The following MMACHC variants were observed in gnomAD, a reference collection of about 807,000 sequenced individuals.
MMACHC encodes cyanocobalamin reductase / alkylcobalamin dealkylase.
A neutral mutation model predicts 17.6 loss-of-function variants in MMACHC; 14 were observed. The ratio of observed to expected loss-of-function variants is 0.80; its 90% CI spans 0.53 to 1.25. The LOEUF is 1.25. Ranked by LOEUF, MMACHC falls within the 50% of genes most tolerant of loss-of-function variation. The pLI is 0.00. For synonymous variants in MMACHC, 151 were observed against 142.1 expected, an observed-to-expected ratio of 1.06 and a Z score of -0.45; for missense variants, 392 against 364.5, an observed-to-expected ratio of 1.08 and a Z score of -0.62.
rs147660940 is a variant in MMACHC, at chr1:45,508,015, T to C, written c.277-197T>C. On this transcript the variant is annotated intron_variant, in intron 2 of 3. Coordinates refer to ENST00000401061, the MANE Select transcript of MMACHC (RefSeq NM_015506.3). ...ATGCCTTCCTTCACACCAGGTGTTA[T>C]GTATTTCCCTTCAAACATGTGCCCT... Among the ~76,000 whole-genome samples, 291 of 152,370 alleles carry C rather than the reference T, an allele frequency of 1.9e-3. 1 individual carries two copies. The highest frequency in any genetic ancestry group is 6.4e-3 in the African/African-American group (267 of 41,580).
chr1:45,511,322 C>T lies in MMACHC; in HGVS notation c.*2107C>T, dbSNP rs574208800. ...CACCGCAGCCTGGCACTAAAACAGC[C>T]CAGCGCTCACTTCTGCTTGGAGAAA... On this transcript the variant is annotated 3_prime_UTR_variant, in exon 4 of 4. Coordinates refer to ENST00000401061, the MANE Select transcript of MMACHC (RefSeq NM_015506.3). 3.7e-6 allele frequency: 6 copies of T among 1,606,636 alleles called. 1 individual carries two copies. In the South Asian group the frequency reaches 4.4e-5, roughly 12 times the overall value.
At chr1:45,503,319 G>A (rs1643572587) in intron 1 of MMACHC, among the ~76,000 whole-genome samples, 1 of 151,946 alleles carries the variant, frequency 6.6e-6, no homozygotes, top group African/African-American at 2.4e-5. Flanking sequence ...AATCGCTTGA[G>A]CCCAGGAGGT....
chr1:45,502,022 G>T (rs552937196), intron 1 of MMACHC, among the ~76,000 whole-genome samples: 1 of 152,168 alleles, frequency 6.6e-6, no homozygotes, highest in African/African-American at 2.4e-5. Flanking sequence ...TGCAGCCAGT[G>T]TGATCTAAAA....
intron 1 of MMACHC, among the ~76,000 whole-genome samples, chr1:45,503,975 T>C (rs1047258958): frequency 2.6e-5 from 4 of 152,252 alleles, no homozygotes; most frequent in Non-Finnish European, 1.5e-5. Flanking sequence ...AGTGTGTGAA[T>C]GTGGGTGTAG....
In MMACHC at chr1:45,508,785, C is replaced by A. The variant is rs1273167378; in HGVS notation, c.430-11C>A. The A allele has an allele frequency of 6.2e-7, 1 of 1,612,044 alleles. No individual in the cohort carries two copies. Among genetic ancestry groups the A allele is most frequent in the Non-Finnish European group, 8.5e-7 (1 of 1,178,910 alleles). ...CCTCCATGACCTTGCTTTTCTTCAC[C>A]CTCTCCCCAGCGCATATCAGGTGTG... On this transcript the variant is annotated splice_polypyrimidine_tract_variant and intron_variant, in intron 3 of 3. Coordinates refer to ENST00000401061, the MANE Select transcript of MMACHC (RefSeq NM_015506.3).
rs974287974 is a variant in MMACHC at position 45,509,774 on chromosome 1, C to T, written c.*559C>T. 2.0e-5 allele frequency: 3 copies of T among 152,894 alleles called. No homozygotes were observed. The highest frequency in any genetic ancestry group is 4.3e-5 in the Non-Finnish European group (3 of 69,216). The allele number at this position is 152,894 out of a possible 1,614,324, so 9.5% of individuals were successfully genotyped here. On this transcript the variant is annotated 3_prime_UTR_variant, in exon 4 of 4. Coordinates refer to ENST00000401061, the MANE Select transcript of MMACHC (RefSeq NM_015506.3). ...AGATGTTGTTACAGGGCCTAAGGGG[C>T]AAATATCCTCTAAAGAGTACCTACC...
At chr1:45,505,901 C>CAAA (rs35613117) in intron 1 of MMACHC, among the ~76,000 whole-genome samples, 1 of 127,832 alleles carries the variant, frequency 7.8e-6, no homozygotes, top group Non-Finnish European at 1.7e-5. Context: ...GACTCCGTCT[C>CAAA]AAAAAAAAAA....
chr1:45,505,535 C>G (rs1044416553), intron 1 of MMACHC, among the ~76,000 whole-genome samples: 1 of 152,030 alleles, frequency 6.6e-6, no homozygotes, highest in Non-Finnish European at 1.5e-5. Flanking sequence ...CCCAAGCAGT[C>G]CTCCTACCTC....
Position 45,507,567 on chromosome 1 carries a change from T to C in MMACHC, c.276+17T>C, listed in dbSNP as rs115028762. 7.4e-6 allele frequency: 12 copies of C among 1,613,894 alleles called. No homozygotes were observed. The highest frequency in any genetic ancestry group is 1.0e-5 in the Non-Finnish European group (12 of 1,179,898). On this transcript the variant is annotated intron_variant, in intron 2 of 3. Transcript: ENST00000401061. ...GTTAGAGAGGTGAGGAAGGCTCAGT[T>C]TTCCCCCAGCTCCCAAACCTACAGC...
At chr1:45,508,132 AAAAC>A (rs1407566469) in intron 2 of MMACHC, 76 bp from the exon 3 acceptor site, 4 of 1,559,996 alleles carry the variant, frequency 2.6e-6, no homozygotes, top group Non-Finnish European at 3.5e-6. Flanking sequence ...TCACACACAC[AAAAC>A]AAACTAGGGC....
Position 45,511,492 on chromosome 1 carries a change from C to A in MMACHC, c.*2277C>A. ...CATTCTCCTATGGACAAAACCAGTT[C>A]TGCACCTGAACACTCAGATACCAGG... On this transcript the variant is annotated 3_prime_UTR_variant, in exon 4 of 4. Transcript: ENST00000401061. 2 of 1,201,486 alleles carry A rather than the reference C, an allele frequency of 1.7e-6. No homozygotes were observed. Among genetic ancestry groups the A allele is most frequent in the South Asian group, 1.4e-5 (1 of 72,664 alleles). 74.4% of individuals were successfully genotyped at this position (1,201,486 alleles called of 1,614,324 possible).
intron 3 of MMACHC, 108 bp from the exon 4 acceptor site, chr1:45,508,688 G>A: frequency 1.6e-6 from 2 of 1,249,942 alleles, no homozygotes; most frequent in Non-Finnish European, 2.2e-6. Context: ...GGTTTATGTA[G>A]TCAGTGTACA....
In MMACHC at chr1:45,505,773, G is replaced by A. The variant is rs145926691; in HGVS notation, c.82-1583G>A. On this transcript the variant is annotated intron_variant, in intron 1 of 3. Transcript: ENST00000401061. The stretch of plus-strand genomic sequence containing the variant: ...AAAAATTAGCCGGGCGTGGTGGCAC[G>A]TGCCTGTAGTCCCAGCTACTCAGGA... Among the ~76,000 whole-genome samples the A allele has an allele frequency of 5.1e-3, 780 of 151,532 alleles. 4 individuals are homozygous for A. Among genetic ancestry groups the A allele is most frequent in the Non-Finnish European group, 5.9e-3 (397 of 67,778 alleles).
chr1:45,509,021 C>G lies in MMACHC; in HGVS notation c.655C>G (p.Gln219Glu). The G allele has an allele frequency of 6.2e-7, 1 of 1,614,180 alleles. No homozygotes were observed. Among genetic ancestry groups the G allele is most frequent in the African/African-American group, 1.3e-5 (1 of 75,036 alleles). Reference protein sequence around the residue: ...VTPQERYSEEQKAYFSTPPAQ... With the variant: ...VTPQERYSEEEKAYFSTPPAQ... ...ACCCCAGGAGCGCTACTCAGAAGAG[C>G]AGAAGGCCTACTTCTCCACTCCACC... Residue 219 changes from glutamine (Q) to glutamate (E), a missense_variant, in exon 4 of 4, where the codon CAG (glutamine) becomes GAG (glutamate). Coordinates refer to ENST00000401061, the MANE Select transcript of MMACHC (RefSeq NM_015506.3).
rs1643683466 is a variant in MMACHC at position 45,508,996 on chromosome 1, A to ACC, written c.633_634dup (p.Gln212ProfsTer80). ...ATTGGACTTACCGGGATGCTGTGAC[A>ACC]CCCCAGGAGCGCTACTCAGAAGAGC... On this transcript the variant is annotated frameshift_variant, in exon 4 of 4. Transcript: ENST00000401061. LOFTEE classifies it low-confidence loss of function (END_TRUNC). 1 of 1,613,850 alleles carries ACC rather than the reference A, an allele frequency of 6.2e-7. No homozygotes were observed.
At position 45,500,349 on chromosome 1, in the gene MMACHC, CA is replaced by C. The variant is rs1643516622; in HGVS notation, c.18del (p.Glu7SerfsTer2). 6.2e-7 allele frequency: 1 copy of C among 1,614,056 alleles called. No homozygotes were observed. Among genetic ancestry groups the C allele is most frequent in the Non-Finnish European group, 8.5e-7 (1 of 1,180,050 alleles). Reference sequence around the variant, plus strand: ...ACGTGCGCTATGGAGCCGAAAGTCGCAGAGCTGAAGCAGAAGATCGAGGACA... The same window carrying C: ...ACGTGCGCTATGGAGCCGAAAGTCGCGAGCTGAAGCAGAAGATCGAGGACA... MEPKV[A>X]ELKQKIEDTL... On this transcript the variant is annotated frameshift_variant, in exon 1 of 4. Coordinates refer to ENST00000401061, the MANE Select transcript of MMACHC (RefSeq NM_015506.3). LOFTEE classifies it high-confidence loss of function.
chr1:45,506,590 G>A (rs925164704), intron 1 of MMACHC, among the ~76,000 whole-genome samples: 8 of 151,972 alleles, frequency 5.3e-5, no homozygotes, highest in African/African-American at 9.7e-5. Context: ...GGGTTCAAGC[G>A]ATTCTCCTGC....
rs1324112885 is a variant in MMACHC at position 45,512,921 on chromosome 1, GGTGCTAGCCAA to G, written c.*3708_*3718del. On this transcript the variant is annotated 3_prime_UTR_variant, in exon 4 of 4. Coordinates refer to ENST00000401061, the MANE Select transcript of MMACHC (RefSeq NM_015506.3). ...TCTAATCCCTGTAAAAAGATTACTT[GGTGCTAGCCAA>G]GCTAGCACCTTTGGGTCTTCCCAAA... 2 of 152,014 alleles carry G rather than the reference GGTGCTAGCCAA, an allele frequency of 1.3e-5. No individual in the cohort carries two copies. The highest frequency in any genetic ancestry group is 4.8e-5 in the African/African-American group (2 of 41,370). The allele number at this position is 152,014 out of a possible 1,614,324, so 9.4% of individuals were successfully genotyped here. A position where few individuals can be genotyped will look rare whatever the true frequency, so the allele number is the denominator to read the frequency against.
chr1:45,506,134 G>A (rs1001626236), intron 1 of MMACHC, among the ~76,000 whole-genome samples: 8 of 152,226 alleles, frequency 5.3e-5, no homozygotes, highest in Non-Finnish European at 2.9e-5. Context: ...TGGTTGGGAA[G>A]AGACTGGTGG....
Sources: allele counts gnomAD v4.1 joint callset (sites outside exome capture counted in the v4.1 genomes callset), GRCh38; gene constraint gnomAD v4.1.1; transcripts MANE v1.5; gene names NCBI Gene and HGNC (gene_info 2026-07-23, HGNC 2026-07-21).